WWOX: variants seen among roughly 807,000 people sequenced by gnomAD.
WWOX encodes WW domain-containing oxidoreductase.
WWOX carries 69 observed loss-of-function variants against 46.2 expected under a neutral mutation model. The ratio of observed to expected loss-of-function variants is 1.49; its 90% CI spans 1.23 to 1.82. The LOEUF is 1.82. Ranked by LOEUF, WWOX falls within the 40% of genes most tolerant of loss-of-function variation. The pLI is 0.00. For synonymous variants in WWOX, 359 were observed against 202.6 expected (o/e 1.77, Z -6.56); for missense variants, 919 against 542.6 (o/e 1.69, Z -6.89).
chr16:79,166,228 C>G (rs547980833), intron 8 of WWOX, among the ~76,000 whole-genome samples: 3 of 152,332 alleles, frequency 2.0e-5, no homozygotes, highest in East Asian at 1.9e-4. Context: ...AGGCAGAGCA[C>G]TGAGTTGCCT....
intron 8 of WWOX, among the ~76,000 whole-genome samples, chr16:78,950,564 A>ACG (rs1266154205): frequency 1.3e-5 from 2 of 148,642 alleles, no homozygotes; most frequent in Admixed American, 6.8e-5. Context: ...ACACACACAC[A>ACG]CGTTTCTGGT....
chr16:78,380,831 C>T (rs2081939626), intron 5 of WWOX, among the ~76,000 whole-genome samples: 1 of 151,976 alleles, frequency 6.6e-6, no homozygotes, highest in Admixed American at 6.6e-5. Context: ...CAAGGGAGAC[C>T]CACAGTTATT....
chr16:78,786,232 C>G (rs2050452950), intron 8 of WWOX, among the ~76,000 whole-genome samples: 1 of 152,166 alleles, frequency 6.6e-6, no homozygotes, highest in South Asian at 2.1e-4. Flanking sequence ...TTCTACCCCA[C>G]TTTCTTAAGT....
At chr16:78,109,636 G>C in intron 2 of WWOX, 142 bp from the exon 3 acceptor site, 1 of 787,146 alleles carries the variant, frequency 1.3e-6, no homozygotes, top group Non-Finnish European at 2.2e-6. Flanking sequence ...TGGAACATGT[G>C]ACGAAAGCCA....
At chr16:78,294,647 A>C (rs2079914426) in intron 5 of WWOX, among the ~76,000 whole-genome samples, 1 of 137,328 alleles carries the variant, frequency 7.3e-6, no homozygotes, top group South Asian at 2.2e-4. Flanking sequence ...AAATACAGCT[A>C]TCTATTGCAA....
chr16:78,327,283 G>C (rs1236132479), intron 5 of WWOX, among the ~76,000 whole-genome samples: 1 of 152,162 alleles, frequency 6.6e-6, no homozygotes, highest in Non-Finnish European at 1.5e-5. Context: ...AGGCTGGCTT[G>C]ATTTCTTTGC....
Position 78,421,436 on chromosome 16 carries a change from G to A in WWOX, c.606-3434G>A, listed in dbSNP as rs534444432. On this transcript the variant is annotated intron_variant, in intron 6 of 8. Coordinates refer to ENST00000566780, the MANE Select transcript of WWOX (RefSeq NM_016373.4). ...CTCCCCTTCTGTTTTGTAAGGATAG[G>A]CCTGTCATTGGATTTAAGGCCCACC... Among the ~76,000 whole-genome samples, 5 of 152,168 alleles carry A rather than the reference G, an allele frequency of 3.3e-5. No individual in the cohort carries two copies. In the South Asian group the frequency reaches 1.0e-3, roughly 32 times the overall value.
At chr16:78,424,638 C>A (rs952324783) in intron 6 of WWOX, among the ~76,000 whole-genome samples, 1 of 152,188 alleles carries the variant, frequency 6.6e-6, no homozygotes, top group South Asian at 2.1e-4. Flanking sequence ...AGCCTCTCAT[C>A]CTCAGCAACG....
intron 8 of WWOX, among the ~76,000 whole-genome samples, chr16:78,735,629 A>G (rs1035902329): frequency 6.6e-6 from 1 of 152,252 alleles, no homozygotes; most frequent in African/African-American, 2.4e-5. Context: ...ATGAGGAGAC[A>G]GCAGACAGTT....
chr16:78,735,388 C>CACAGAA (rs1567524766), intron 8 of WWOX, among the ~76,000 whole-genome samples: 2 of 141,078 alleles, frequency 1.4e-5, no homozygotes, highest in African/African-American at 5.7e-5. Context: ...ATACACACCA[C>CACAGAA]ACACAAACAC....
At chr16:79,039,176 T>A (rs1281165488) in intron 8 of WWOX, among the ~76,000 whole-genome samples, 1 of 152,258 alleles carries the variant, frequency 6.6e-6, no homozygotes, top group South Asian at 2.1e-4. Flanking sequence ...GATGCTCATG[T>A]TACGGTTTTG....
chr16:79,149,884 A>G (rs1291153663), intron 8 of WWOX, among the ~76,000 whole-genome samples: 3 of 152,186 alleles, frequency 2.0e-5, no homozygotes, highest in African/African-American at 7.2e-5. Context: ...GATTCAGATA[A>G]GAGGGTTCAG....
chr16:78,489,486 C>G (rs1441958392), intron 8 of WWOX, among the ~76,000 whole-genome samples: 2 of 151,102 alleles, frequency 1.3e-5, no homozygotes, highest in Admixed American at 6.6e-5. Context: ...TTTTTTTTTT[C>G]TAACCACTTT....
chr16:79,100,831 G>A (rs949375412), intron 8 of WWOX, among the ~76,000 whole-genome samples: 1 of 151,984 alleles, frequency 6.6e-6, no homozygotes, highest in African/African-American at 2.4e-5. Context: ...TGGAGCACAC[G>A]AGATCCTTTT....
rs570140607 is a variant in WWOX at position 78,433,224 on chromosome 16, G to T, written c.1056+472G>T. Among the ~76,000 whole-genome samples, 7 of 152,184 alleles carry T rather than the reference G, an allele frequency of 4.6e-5. No homozygotes were observed. The East Asian group carries it at 9.7e-4, about 21-fold the overall frequency. On this transcript the variant is annotated intron_variant, in intron 8 of 8. Transcript: ENST00000566780. ...GTTCTAAATTTTTTTCTTCTAATGG[G>T]TATAATCCTCTGTTGGAGAGTCCTT... is the stretch of plus-strand genomic sequence containing the variant.
rs965565080 is a variant in WWOX at position 78,556,206 on chromosome 16, C to G, written c.1056+123454C>G. Among the ~76,000 whole-genome samples, 4 of 151,354 alleles carry G rather than the reference C, an allele frequency of 2.6e-5. No individual in the cohort carries two copies. The East Asian group carries it at 7.8e-4, about 29-fold the overall frequency. On this transcript the variant is annotated intron_variant, in intron 8 of 8. Coordinates refer to ENST00000566780, the MANE Select transcript of WWOX (RefSeq NM_016373.4). ...GCTTTAACAGCAAATGCCAGCCTATCGTGCATCAGATGCAAGGGAGTTTGG... is the reference window on the plus strand; with the variant it reads ...GCTTTAACAGCAAATGCCAGCCTATGGTGCATCAGATGCAAGGGAGTTTGG...
intron 8 of WWOX, among the ~76,000 whole-genome samples, chr16:78,925,303 A>C (rs1373627534): frequency 1.3e-5 from 2 of 152,232 alleles, no homozygotes; most frequent in East Asian, 1.9e-4. Flanking sequence ...GATTGAGGAA[A>C]ATAACCCCTC....
In WWOX at chr16:78,186,209, A is replaced by G. The variant is rs557270046; in HGVS notation, c.516+21920A>G. 1.8e-4 allele frequency among the ~76,000 whole-genome samples: 28 copies of G among 151,928 alleles called. 1 individual carries two copies. The highest frequency in any genetic ancestry group is 3.5e-4 in the Non-Finnish European group (24 of 67,992). On this transcript the variant is annotated intron_variant, in intron 5 of 8. Coordinates refer to ENST00000566780, the MANE Select transcript of WWOX (RefSeq NM_016373.4). ...GACATACTAGGTTAAATAAAATATC[A>G]TTGAAGTTCATTTAATCTGTTTCTT...
intron 8 of WWOX, among the ~76,000 whole-genome samples, chr16:78,778,434 A>G (rs2050245148): frequency 3.3e-5 from 5 of 152,232 alleles, no homozygotes; most frequent in Non-Finnish European, 7.3e-5. Flanking sequence ...GGACCTCAGT[A>G]TGATTGATGC....
Sources: allele counts gnomAD v4.1 joint callset (sites outside exome capture counted in the v4.1 genomes callset), GRCh38; gene constraint gnomAD v4.1.1; transcripts MANE v1.5; gene names NCBI Gene and HGNC (gene_info 2026-07-23, HGNC 2026-07-21).